Variants in ERICH3 observed in about 807,000 individuals in gnomAD.
The protein encoded by ERICH3 is glutamate-rich protein 3.
A neutral mutation model predicts 131.1 loss-of-function variants in ERICH3; 126 were observed. That is an observed-to-expected ratio of 0.96 (90% CI 0.83 to 1.11). The LOEUF is 1.11. Among genes scored for constraint, ERICH3 ranks in the 50% most tolerant of loss-of-function variants. ERICH3 has a pLI of 0.00. For missense variants in ERICH3, 2,050 were observed against 1,810.7 expected, an observed-to-expected ratio of 1.13 and a Z score of -2.40; for synonymous variants, 695 against 644.6, an observed-to-expected ratio of 1.08 and a Z score of -1.18.
chr1:74,658,122 G>A (rs1428250899), intron 1 of ERICH3, among the ~76,000 whole-genome samples: 1 of 152,118 alleles, frequency 6.6e-6, no homozygotes, highest in African/African-American at 2.4e-5. Flanking sequence ...TAGATAACTA[G>A]TCCATAACTA....
chr1:74,600,871 G>A (rs910808750), intron 10 of ERICH3, among the ~76,000 whole-genome samples: 4 of 151,628 alleles, frequency 2.6e-5, no homozygotes, highest in Non-Finnish European at 4.4e-5. Context: ...TCAATTTTGT[G>A]TGTTTTAGTT....
chr1:74,597,002 C>A (rs1422866229), intron 11 of ERICH3, among the ~76,000 whole-genome samples: 1 of 152,018 alleles, frequency 6.6e-6, no homozygotes, highest in Non-Finnish European at 1.5e-5. Context: ...TAGGCAGGTT[C>A]AAATGAAACA....
chr1:74,572,483 TCA>T lies in ERICH3; in HGVS notation c.3225_3226del (p.Glu1078ArgfsTer11), dbSNP rs748097375. The T allele has an allele frequency of 2.5e-5, 40 of 1,614,184 alleles. No individual in the cohort carries two copies. In the Admixed American group the frequency reaches 2.8e-4, roughly 11 times the overall value. ...ATTTGCCCTTGTCACCTCTTCTCTC[TCA>T]GAGTCAGTTTTCCTCAGAGATGTTT... On this transcript the variant is annotated frameshift_variant, in exon 14 of 15. Transcript: ENST00000326665. LOFTEE classifies it high-confidence loss of function.
Position 74,646,782 on chromosome 1 carries a change from CT to C in ERICH3, c.127del (p.Ser43ValfsTer12). ...TTCTTTTTCAGAAAGTATTCTTCCA[CT>C]TCTTGTGATCTGTCATGAATAAATA... The part of the protein sequence containing the change: ...HLLRSGLITR[S>X]GRILSEKEYK... On this transcript the variant is annotated frameshift_variant, in exon 3 of 15. Coordinates refer to ENST00000326665, the MANE Select transcript of ERICH3 (RefSeq NM_001002912.5). LOFTEE classifies it high-confidence loss of function. 6.8e-7 allele frequency: 1 copy of C among 1,472,934 alleles called. No individual in the cohort carries two copies. The highest frequency in any genetic ancestry group is 9.2e-7 in the Non-Finnish European group (1 of 1,083,568). The allele number at this position is 1,472,934 out of a possible 1,614,324, so 91.2% of individuals were successfully genotyped here.
At chr1:74,603,989 T>C (rs1648268920) in intron 10 of ERICH3, among the ~76,000 whole-genome samples, 1 of 151,960 alleles carries the variant, frequency 6.6e-6, no homozygotes, top group Admixed American at 6.6e-5. Context: ...GATTTATCTG[T>C]AGCATGCAAT....
intron 7 of ERICH3, among the ~76,000 whole-genome samples, chr1:74,631,300 G>T (rs1005550315): frequency 6.6e-6 from 1 of 152,018 alleles, no homozygotes; most frequent in Non-Finnish European, 1.5e-5. Context: ...ATTTATCTAT[G>T]TATGATACAG....
intron 13 of ERICH3, 74 bp downstream of exon 13, chr1:74,576,821 G>A: frequency 1.5e-6 from 2 of 1,304,052 alleles, no homozygotes; most frequent in African/African-American, 1.5e-5. Flanking sequence ...AAGAACATGG[G>A]AAGTTTGACC....
In ERICH3 at chr1:74,571,147, T is replaced by C. The variant is rs769558487; in HGVS notation, c.4563A>G (p.Ala1521=). Residue 1521 remains alanine, a synonymous_variant, in exon 14 of 15, where the codon GCA becomes GCG. Transcript: ENST00000326665. ...CCTGCACGTTGTTGGGGGAAACATC[T>C]GCAGTCTCGCTTTCTCCTTGCACCA... ...QHMVQGESET[A]DVSPNNVQV The C allele has an allele frequency of 3.7e-6, 6 of 1,614,000 alleles. No individual in the cohort carries two copies. In the South Asian group the frequency reaches 6.6e-5, roughly 18 times the overall value.
Position 74,570,003 on chromosome 1 carries a change from C to A in ERICH3, c.*455G>T, listed in dbSNP as rs944302371. On this transcript the variant is annotated 3_prime_UTR_variant, in exon 15 of 15. Coordinates refer to ENST00000326665, the MANE Select transcript of ERICH3 (RefSeq NM_001002912.5). Reference sequence around the variant, plus strand: ...CAGGCCAATTCATTAAAGCCCCAAACCACAGATTTTTAAATAAAATTCCCA... The same window carrying A: ...CAGGCCAATTCATTAAAGCCCCAAAACACAGATTTTTAAATAAAATTCCCA... 1 of 152,126 alleles carries A rather than the reference C, an allele frequency of 6.6e-6. No homozygotes were observed. The highest frequency in any genetic ancestry group is 1.5e-5 in the Non-Finnish European group (1 of 68,014). The allele number at this position is 152,126 out of a possible 1,614,324, so 9.4% of individuals were successfully genotyped here. A position where few individuals can be genotyped will look rare whatever the true frequency, so the allele number is the denominator to read the frequency against.
At chr1:74,591,367 T>G (rs1191504031) in intron 11 of ERICH3, among the ~76,000 whole-genome samples, 1 of 152,138 alleles carries the variant, frequency 6.6e-6, no homozygotes, top group African/African-American at 2.4e-5. Context: ...TAAGCTATAT[T>G]AGGATGTAAT....
intron 1 of ERICH3, among the ~76,000 whole-genome samples, chr1:74,672,361 A>C (rs1196236532): frequency 6.6e-6 from 1 of 152,242 alleles, no homozygotes; most frequent in Admixed American, 6.5e-5. Context: ...GATAAAACAA[A>C]AAGTTTATGT....
At chr1:74,635,271 C>T (rs1450377369) in intron 6 of ERICH3, among the ~76,000 whole-genome samples, 1 of 152,054 alleles carries the variant, frequency 6.6e-6, no homozygotes, top group Non-Finnish European at 1.5e-5. Flanking sequence ...GATGAAGCAC[C>T]ACCACTTTTG....
chr1:74,574,355 C>G (rs1253251309), intron 13 of ERICH3, among the ~76,000 whole-genome samples: 1 of 151,996 alleles, frequency 6.6e-6, no homozygotes, highest in African/African-American at 2.4e-5. Flanking sequence ...CTCACATGGG[C>G]CTTTAGCAAC....
chr1:74,626,970 T>C (rs1490572992), intron 7 of ERICH3, among the ~76,000 whole-genome samples: 1 of 152,020 alleles, frequency 6.6e-6, no homozygotes, highest in African/African-American at 2.4e-5. Context: ...CTTTCTTTCC[T>C]TTTTTTTAAG....
At chr1:74,620,938 C>T in intron 7 of ERICH3, 24 bp from the exon 8 acceptor site, 1 of 1,483,812 alleles carries the variant, frequency 6.7e-7, no homozygotes. Flanking sequence ...AAAAATGAGG[C>T]TTATTAACGA....
Position 74,571,777 on chromosome 1 carries a change from G to A in ERICH3, c.3933C>T (p.Asp1311=), listed in dbSNP as rs767197875. ...TGTCCCCGTCCCCTTCCGAGTTCCT[G>A]TCCTGCATCGCTTCTGTCTCCAGAG... ...ECTLETEAMQ[D]RNSEGDGDME... The change falls in exon 14 of 15, where the codon GAC becomes GAT. Residue 1311 remains aspartate (D), a synonymous_variant. Coordinates refer to ENST00000326665, the MANE Select transcript of ERICH3 (RefSeq NM_001002912.5). 1.9e-6 allele frequency: 3 copies of A among 1,613,840 alleles called. No individual in the cohort carries two copies. Among genetic ancestry groups the A allele is most frequent in the Admixed American group, 3.3e-5 (2 of 59,994 alleles).
Position 74,571,965 on chromosome 1 carries a change from C to T in ERICH3, c.3745G>A (p.Asp1249Asn), listed in dbSNP as rs1263135564. 1.2e-6 allele frequency: 2 copies of T among 1,613,794 alleles called. No homozygotes were observed. Among genetic ancestry groups the T allele is most frequent in the African/African-American group, 1.3e-5 (1 of 74,950 alleles). ...QAEELAAKDH[D>N]SCAGLEGRAE... ...CTCCCCTCCAGTCCTGCGCAGGAGT[C>T]GTGATCTTTGGCTGCTAGCTCCTCT... The change falls in exon 14 of 15, where the codon GAC (aspartate) becomes AAC (asparagine). Residue 1249 changes from aspartate to asparagine, a missense_variant. By Grantham distance (23) the Asp-to-Asn change is conservative (BLOSUM62 1). Transcript: ENST00000326665.
At chr1:74,570,957 C>A in intron 14 of ERICH3, 142 bp downstream of exon 14, 1 of 1,166,690 alleles carries the variant, frequency 8.6e-7, no homozygotes, top group Non-Finnish European at 1.2e-6. Flanking sequence ...TCCTGACAGG[C>A]TTAGGGCTAA....
At position 74,572,627 on chromosome 1, in the gene ERICH3, TCTTCCTTGCAAAGGAAGG is replaced by T; in HGVS notation, c.3065_3082del (p.Ala1022_Glu1027del). 3.1e-6 allele frequency: 5 copies of T among 1,614,016 alleles called. No homozygotes were observed. The highest frequency in any genetic ancestry group is 4.2e-6 in the Non-Finnish European group (5 of 1,179,980). ...AGTCACCATCTCTTCCCCTTCCACA[TCTTCCTTGCAAAGGAAGG>T]CTTCCTTTGCAAGGCTTCCTTCCTC... On this transcript the variant is annotated inframe_deletion, in exon 14 of 15. Transcript: ENST00000326665.
Sources: gnomAD v4.1 joint callset for allele counts (sites outside exome capture counted in the v4.1 genomes callset) on GRCh38, gnomAD v4.1.1 for gene constraint, MANE v1.5 for transcripts, NCBI Gene and HGNC (gene_info 2026-07-23, HGNC 2026-07-21) for gene names.